Variants in RBM33 observed in about 807,000 individuals in gnomAD.
The protein encoded by RBM33 is RNA binding motif protein 33, also known as RNA-binding protein 33.
In RBM33, 28 loss-of-function variants were observed where a neutral mutation model predicts 132.6. The observed-to-expected ratio is 0.21, with a 90% CI of 0.16 to 0.29. The LOEUF (loss-of-function observed/expected upper bound fraction) is 0.29, where lower values mean the gene tolerates loss of function less well. Among genes scored for constraint, RBM33 ranks in the 10% least tolerant of loss-of-function variants. RBM33 has a pLI of 1.00. For synonymous variants in RBM33, 634 were observed against 593.0 expected, an observed-to-expected ratio of 1.07 and a Z score of -1.01; for missense variants, 1,291 against 1,518.5, an observed-to-expected ratio of 0.85 and a Z score of 2.49.
chr7:155,762,758 C>CA, intron 14 of RBM33, among the ~76,000 whole-genome samples: 1 of 152,166 alleles, frequency 6.6e-6, no homozygotes, highest in Non-Finnish European at 1.5e-5. Flanking sequence ...CCCCTGGAGA[C>CA]ACTGGCACAG....
chr7:155,739,858 A>ACAGCACCCGCCG lies in RBM33; in HGVS notation c.1889_1900dup (p.Pro630_His633dup). 2.0e-6 allele frequency: 2 copies of ACAGCACCCGCCG among 1,008,348 alleles called. No individual in the cohort carries two copies. Among genetic ancestry groups the ACAGCACCCGCCG allele is most frequent in the Non-Finnish European group, 2.5e-6 (2 of 791,840 alleles). The allele number at this position is 1,008,348 out of a possible 1,614,324, so 62.5% of individuals were successfully genotyped here. On this transcript the variant is annotated inframe_insertion, in exon 12 of 18. Coordinates refer to ENST00000401878, the MANE Select transcript of RBM33 (RefSeq NM_053043.3). ...ACCAGCCCCCACCCCAGCACCCACC[A>ACAGCACCCGCCG]CAGCACCCGCCGCAGCACCAGCACC... is the stretch of plus-strand genomic sequence containing the variant.
At chr7:155,744,872 G>C in intron 13 of RBM33, 89 bp from the exon 14 acceptor site, 1 of 1,253,016 alleles carries the variant, frequency 8.0e-7, no homozygotes, top group South Asian at 1.6e-5. Context: ...TAAAGGACTT[G>C]TGGTAAATGT....
intron 5 of RBM33, among the ~76,000 whole-genome samples, chr7:155,683,554 A>G (rs577379087): frequency 6.6e-6 from 1 of 152,290 alleles, no homozygotes; most frequent in South Asian, 2.1e-4. Context: ...CCCAGAATGT[A>G]CAGTGGGAGG....
At chr7:155,727,974 T>C (rs1800841331) in intron 9 of RBM33, among the ~76,000 whole-genome samples, 1 of 152,180 alleles carries the variant, frequency 6.6e-6, no homozygotes, top group Non-Finnish European at 1.5e-5. Flanking sequence ...TTCATCGTGT[T>C]GCCTAGGCTG....
chr7:155,647,285 C>T (rs1026613451), intron 1 of RBM33, among the ~76,000 whole-genome samples: 3 of 152,188 alleles, frequency 2.0e-5, no homozygotes, highest in African/African-American at 4.8e-5. Context: ...TCACAACCTA[C>T]AAAATGTTCG....
Position 155,774,936 on chromosome 7 carries a change from G to A in RBM33, c.3465-57G>A. ...GCTCTTTTAGTTTCCTCCCACCTTGGTAGGTTGATTGCCGATGTGCAGGGT... is the reference window on the plus strand; with the variant it reads ...GCTCTTTTAGTTTCCTCCCACCTTGATAGGTTGATTGCCGATGTGCAGGGT... On this transcript the variant is annotated intron_variant, in intron 17 of 17. Coordinates refer to ENST00000401878, the MANE Select transcript of RBM33 (RefSeq NM_053043.3). The surrounding 1 kb of genome is among the most constrained non-coding windows in gnomAD (Gnocchi z 4.2). The A allele has an allele frequency of 6.5e-7, 1 of 1,534,242 alleles. No homozygotes were observed. The highest frequency in any genetic ancestry group is 9.0e-7 in the Non-Finnish European group (1 of 1,107,744).
intron 12 of RBM33, among the ~76,000 whole-genome samples, chr7:155,741,171 C>T (rs963366168): frequency 2.6e-5 from 4 of 152,162 alleles, no homozygotes; most frequent in Non-Finnish European, 5.9e-5. Context: ...TCATGACCCT[C>T]GTGCACTGGG....
At chr7:155,700,546 C>CTTTTTTTTTTTTTTTTTT (rs529323301) in intron 5 of RBM33, among the ~76,000 whole-genome samples, 1 of 85,582 alleles carries the variant, frequency 1.2e-5, no homozygotes, top group Non-Finnish European at 2.3e-5. Context: ...AGAATTTGAC[C>CTTTTTTTTTTTTTTTTTT]TTTTTTTTTT....
chr7:155,727,516 G>T (rs542865459), intron 9 of RBM33, among the ~76,000 whole-genome samples: 1 of 152,236 alleles, frequency 6.6e-6, no homozygotes, highest in Admixed American at 6.5e-5. Context: ...CCACTTGTGT[G>T]CAAAACAAAA....
intron 2 of RBM33, among the ~76,000 whole-genome samples, chr7:155,667,271 T>G (rs1274756519): frequency 1.3e-5 from 2 of 152,158 alleles, no homozygotes; most frequent in African/African-American, 4.8e-5. Context: ...TGTTGTTGTT[T>G]TGGAGACAGG....
chr7:155,685,807 T>C (rs1396048764), intron 5 of RBM33, among the ~76,000 whole-genome samples: 1 of 152,252 alleles, frequency 6.6e-6, no homozygotes, highest in Admixed American at 6.5e-5. Context: ...GAGTTTTTCT[T>C]AATACAGTTT....
chr7:155,708,729 A>G (rs548758489), intron 7 of RBM33, among the ~76,000 whole-genome samples: 23 of 152,196 alleles, frequency 1.5e-4, no homozygotes, highest in Non-Finnish European at 2.8e-4. Flanking sequence ...TTTGTAAGCA[A>G]TAGTCTCGTC....
chr7:155,764,330 T>C (rs933666038), intron 15 of RBM33, among the ~76,000 whole-genome samples: 6 of 103,226 alleles, frequency 5.8e-5, no homozygotes, highest in African/African-American at 2.2e-4. Flanking sequence ...TGCTGCTGCG[T>C]GTCAGCATGC....
rs906936525 is a variant in RBM33 at position 155,663,418 on chromosome 7, A to G, written c.44-1757A>G. On this transcript the variant is annotated intron_variant, in intron 1 of 17. Transcript: ENST00000401878. ...TTTTACTCATGGTGGAAGGCCAAGC[A>G]GGAACAGGCACTTACCTTACATGGC... is the stretch of plus-strand genomic sequence containing the variant. Among the ~76,000 whole-genome samples, 3 of 152,118 alleles carry G rather than the reference A, an allele frequency of 2.0e-5. No individual in the cohort carries two copies. The East Asian group carries it at 5.8e-4, about 30-fold the overall frequency.
intron 8 of RBM33, among the ~76,000 whole-genome samples, chr7:155,712,436 A>G (rs1007765761): frequency 1.3e-5 from 2 of 152,224 alleles, no homozygotes; most frequent in Admixed American, 6.5e-5. Flanking sequence ...TTCAACCATG[A>G]TATTACTTTC....
intron 14 of RBM33, among the ~76,000 whole-genome samples, chr7:155,747,498 A>G (rs1801555804): frequency 6.6e-6 from 1 of 152,232 alleles, no homozygotes; most frequent in Non-Finnish European, 1.5e-5. Flanking sequence ...TCCAGTTTCT[A>G]CCATCAAAGA....
At chr7:155,716,708 C>T (rs1260881048) in intron 8 of RBM33, among the ~76,000 whole-genome samples, 1 of 152,020 alleles carries the variant, frequency 6.6e-6, no homozygotes, top group African/African-American at 2.4e-5. Flanking sequence ...CCACTTTCTC[C>T]AGTCTAGTGT....
intron 5 of RBM33, among the ~76,000 whole-genome samples, chr7:155,696,971 T>C (rs1799810636): frequency 6.6e-6 from 1 of 152,234 alleles, no homozygotes; most frequent in African/African-American, 2.4e-5. Flanking sequence ...AAGAACACTA[T>C]GGAACCCTTG....
At position 155,669,171 on chromosome 7, in the gene RBM33, A is replaced by T. The variant is rs185558932; in HGVS notation, c.123-3696A>T. Among the ~76,000 whole-genome samples, 14 of 152,244 alleles carry T rather than the reference A, an allele frequency of 9.2e-5. No homozygotes were observed. In the East Asian group the frequency reaches 2.5e-3, roughly 27 times the overall value. ...GCATGACACAGAGAGAGACACTTGGAAGGTGAGAAGAGTGGGTCAGGAATT... is the reference window on the plus strand; with the variant it reads ...GCATGACACAGAGAGAGACACTTGGTAGGTGAGAAGAGTGGGTCAGGAATT... On this transcript the variant is annotated intron_variant, in intron 2 of 17. Coordinates refer to ENST00000401878, the MANE Select transcript of RBM33 (RefSeq NM_053043.3).
Sources: allele counts gnomAD v4.1 joint callset (sites outside exome capture counted in the v4.1 genomes callset), GRCh38; gene constraint gnomAD v4.1.1; non-coding constraint Gnocchi (gnomAD v3.1); transcripts MANE v1.5; gene names NCBI Gene and HGNC (gene_info 2026-07-23, HGNC 2026-07-21).